DOCK1: variants seen among roughly 807,000 people sequenced by gnomAD.
DOCK1 encodes dedicator of cytokinesis protein 1.
In DOCK1, 138 loss-of-function variants were observed where a neutral mutation model predicts 262.7. The ratio of observed to expected loss-of-function variants is 0.53; its 90% CI spans 0.46 to 0.61. The LOEUF (loss-of-function observed/expected upper bound fraction) is 0.61. Ranked by LOEUF, DOCK1 falls within the 20% of genes least tolerant of loss-of-function variation. The pLI, the probability that DOCK1 is intolerant of heterozygous loss-of-function variation, is 0.00. For synonymous variants in DOCK1, 866 were observed against 867.4 expected (o/e 1.00, Z 0.03); for missense variants, 1,908 against 2,370.7 (o/e 0.80, Z 4.05).
intron 1 of DOCK1, among the ~76,000 whole-genome samples, chr10:126,908,118 C>T (rs2031207031): frequency 6.6e-6 from 1 of 152,086 alleles, no homozygotes; most frequent in Non-Finnish European, 1.5e-5. Context: ...TAACCAGAGT[C>T]CCCCATCAGG....
intron 39 of DOCK1, 118 bp from the exon 40 acceptor site, chr10:127,404,207 A>G (rs562852829): frequency 1.2e-5 from 8 of 688,992 alleles, no homozygotes; most frequent in African/African-American, 1.1e-4. Flanking sequence ...CTCTCCCACC[A>G]TCTCCCCCTC....
intron 27 of DOCK1, among the ~76,000 whole-genome samples, chr10:127,242,896 G>A (rs1214336343): frequency 6.6e-6 from 1 of 152,022 alleles, no homozygotes; most frequent in Non-Finnish European, 1.5e-5. Context: ...ATTGAAACCG[G>A]GCACCTACCG....
Position 126,995,898 on chromosome 10 carries a change from G to GACATGCAGGGATCCCT in DOCK1, c.474-848_474-833dup, listed in dbSNP as rs1341838108. Among the ~76,000 whole-genome samples, 14 of 152,170 alleles carry GACATGCAGGGATCCCT rather than the reference G, an allele frequency of 9.2e-5. No individual in the cohort carries two copies. The highest frequency in any genetic ancestry group is 3.1e-4 in the African/African-American group (13 of 41,442). Reference sequence around the variant, plus strand: ...TGTAAGGACTCGAAGTAGAAGGGGAGACATGCAGGGATCCCTATTGGGGTC... The same window carrying GACATGCAGGGATCCCT: ...TGTAAGGACTCGAAGTAGAAGGGGAGACATGCAGGGATCCCTACATGCAGGGATCCCTATTGGGGTC... On this transcript the variant is annotated intron_variant, in intron 6 of 51. Transcript: ENST00000623213. The surrounding 1 kb of genome is among the most constrained non-coding windows in gnomAD (Gnocchi z 5.8).
intron 33 of DOCK1, among the ~76,000 whole-genome samples, chr10:127,362,862 C>T (rs72841511): frequency 0.13 from 3,970 of 30,924 alleles, 162 homozygotes; most frequent in Middle Eastern, 0.14. Context: ...CATGTACATC[C>T]CCACACACAC....
intron 38 of DOCK1, among the ~76,000 whole-genome samples, chr10:127,397,081 C>G (rs1284042259): frequency 7.2e-6 from 1 of 139,100 alleles, no homozygotes. Flanking sequence ...CGGGCAGCGA[C>G]TCCTATGTGA....
chr10:126,907,964 T>C (rs879905858), intron 1 of DOCK1, among the ~76,000 whole-genome samples: 20 of 152,256 alleles, frequency 1.3e-4, no homozygotes, highest in Non-Finnish European at 2.4e-4. Context: ...GGGATGGTTT[T>C]GCCAGGAAAT....
chr10:127,168,144 C>T lies in DOCK1; in HGVS notation c.2847+40380C>T, dbSNP rs570810460. On this transcript the variant is annotated intron_variant, in intron 27 of 51. Coordinates refer to ENST00000623213, the MANE Select transcript of DOCK1 (RefSeq NM_001290223.2). ...AGAGGGAAGGTCAGCATCTCAGGAC[C>T]TGCAGAGTGGAGAGCCTGGTCACCC... Among the ~76,000 whole-genome samples, 3 of 152,300 alleles carry T rather than the reference C, an allele frequency of 2.0e-5. No individual in the cohort carries two copies. The South Asian group carries it at 6.2e-4, about 32-fold the overall frequency.
chr10:127,282,587 AGGCC>A (rs1178013478), intron 29 of DOCK1, among the ~76,000 whole-genome samples: 21 of 152,332 alleles, frequency 1.4e-4, no homozygotes, highest in Non-Finnish European at 1.8e-4. Flanking sequence ...TAATTTTAAA[AGGCC>A]AGTGAACACC....
In DOCK1 at chr10:127,127,924, T is replaced by G. The variant is rs931999455; in HGVS notation, c.2847+160T>G. The G allele has an allele frequency of 2.1e-5, 11 of 528,308 alleles. No homozygotes were observed. The African/African-American group carries it at 2.1e-4, about 10-fold the overall frequency. 32.7% of individuals were successfully genotyped at this position (528,308 alleles called of 1,614,324 possible). ...TCATTTTCCAAATGAATGTCAAAGT[T>G]GAAGGGTAAGCAAACCAACTTTAAA... On this transcript the variant is annotated intron_variant, in intron 27 of 51. Coordinates refer to ENST00000623213, the MANE Select transcript of DOCK1 (RefSeq NM_001290223.2).
At chr10:127,041,442 T>G (rs1054439585) in intron 19 of DOCK1, among the ~76,000 whole-genome samples, 1 of 152,212 alleles carries the variant, frequency 6.6e-6, no homozygotes, top group African/African-American at 2.4e-5. Context: ...ATCACATGGA[T>G]AGACCGCAGA....
At chr10:127,082,429 G>A (rs570461799) in intron 23 of DOCK1, among the ~76,000 whole-genome samples, 1 of 152,264 alleles carries the variant, frequency 6.6e-6, no homozygotes, top group Admixed American at 6.5e-5. Flanking sequence ...CATGGCGGAA[G>A]GTGAAGGAGT....
chr10:127,285,808 C>T lies in DOCK1; in HGVS notation c.3044+28379C>T, dbSNP rs148524253. ...TCCACAGTCTAACCCTCCTGCTTGA[C>T]GACCTGTTATGTGTGAGATGGTGGC... On this transcript the variant is annotated intron_variant, in intron 29 of 51. Transcript: ENST00000623213. Among the ~76,000 whole-genome samples, 516 of 152,274 alleles carry T rather than the reference C, an allele frequency of 3.4e-3. 1 individual carries two copies. The highest frequency in any genetic ancestry group is 0.01 in the African/African-American group (430 of 41,568).
intron 29 of DOCK1, among the ~76,000 whole-genome samples, chr10:127,285,416 A>C (rs951146003): frequency 2.6e-5 from 4 of 152,234 alleles, no homozygotes; most frequent in Admixed American, 1.3e-4. Flanking sequence ...GAAAGATGAG[A>C]AGTAAATGGC....
At chr10:126,945,972 C>T (rs2035366910) in intron 1 of DOCK1, among the ~76,000 whole-genome samples, 1 of 152,184 alleles carries the variant, frequency 6.6e-6, no homozygotes, top group Non-Finnish European at 1.5e-5. Flanking sequence ...GATGAACGTT[C>T]ATAGGCAGAG....
chr10:127,109,408 A>T (rs2048732157), intron 24 of DOCK1, among the ~76,000 whole-genome samples: 2 of 152,264 alleles, frequency 1.3e-5, no homozygotes. Flanking sequence ...TACAAACGAT[A>T]AAGTCACCTA....
chr10:127,045,551 C>T (rs1263671232), intron 21 of DOCK1, among the ~76,000 whole-genome samples: 1 of 152,208 alleles, frequency 6.6e-6, no homozygotes, highest in Non-Finnish European at 1.5e-5. Flanking sequence ...AGACTCTTGT[C>T]CATGTAGCCT....
At chr10:126,938,064 G>C (rs1483266904) in intron 1 of DOCK1, among the ~76,000 whole-genome samples, 1 of 129,082 alleles carries the variant, frequency 7.7e-6, no homozygotes, top group East Asian at 2.2e-4. Context: ...TTTTTTTTTT[G>C]AGATGGAGTT....
In DOCK1 at chr10:127,012,488, A is replaced by T; in HGVS notation, c.1201+114A>T. ...CATGATGGTGGTGATAATGATGGGG[A>T]TGACAGTGATCGTGGTGGAGAATGT... On this transcript the variant is annotated intron_variant, in intron 12 of 51. Coordinates refer to ENST00000623213, the MANE Select transcript of DOCK1 (RefSeq NM_001290223.2). This position sits in a 1 kb window ranked among gnomAD's most constrained non-coding sequence, Gnocchi z 4.0. The T allele has an allele frequency of 1.2e-6, 1 of 868,244 alleles. No homozygotes were observed. Among genetic ancestry groups the T allele is most frequent in the Non-Finnish European group, 1.9e-6 (1 of 534,716 alleles). 53.8% of individuals were successfully genotyped at this position (868,244 alleles called of 1,614,324 possible).
intron 23 of DOCK1, among the ~76,000 whole-genome samples, chr10:127,102,138 C>G (rs1207616000): frequency 6.6e-6 from 1 of 152,124 alleles, no homozygotes; most frequent in Non-Finnish European, 1.5e-5. Context: ...GCTAAAGTTG[C>G]TTTATCCTCT....
Sources: gnomAD v4.1 joint callset for allele counts (sites outside exome capture counted in the v4.1 genomes callset) on GRCh38, gnomAD v4.1.1 for gene constraint, Gnocchi (gnomAD v3.1) non-coding constraint, MANE v1.5 for transcripts, NCBI Gene and HGNC (gene_info 2026-07-23, HGNC 2026-07-21) for gene names.